RNF19B: variants seen among roughly 807,000 people sequenced by gnomAD.
RNF19B encodes ring finger protein 19B.
A neutral mutation model predicts 65.5 loss-of-function variants in RNF19B; 23 were observed. That is an observed-to-expected ratio of 0.35 (90% CI 0.25 to 0.50). The LOEUF (loss-of-function observed/expected upper bound fraction) is 0.50. Among genes scored for constraint, RNF19B ranks in the 20% least tolerant of loss-of-function variants. RNF19B has a pLI of 0.98. For synonymous variants in RNF19B, 372 were observed against 379.6 expected (o/e 0.98, Z 0.23); for missense variants, 794 against 980.0 (o/e 0.81, Z 2.53).
In RNF19B at chr1:32,956,118, C is replaced by T. The variant is rs192194056; in HGVS notation, c.636-6344G>A. On this transcript the variant is annotated intron_variant, in intron 1 of 8. Transcript: ENST00000235150. Reference sequence around the variant, plus strand: ...TGGTGGCTCATGCCTGTAATCCCAGCACTTTGGGAGGCTGAGGTGGGTGGA... The same window carrying T: ...TGGTGGCTCATGCCTGTAATCCCAGTACTTTGGGAGGCTGAGGTGGGTGGA... 3.1e-3 allele frequency among the ~76,000 whole-genome samples: 466 copies of T among 152,294 alleles called. 2 individuals are homozygous for T. Among genetic ancestry groups the T allele is most frequent in the African/African-American group, 0.011 (442 of 41,568 alleles).
At chr1:32,943,963 T>A in intron 6 of RNF19B, 56 bp downstream of exon 6, 1 of 1,539,854 alleles carries the variant, frequency 6.5e-7, no homozygotes, top group Non-Finnish European at 8.8e-7. Flanking sequence ...TGAATTTTAC[T>A]GATTTTTATC....
intron 1 of RNF19B, among the ~76,000 whole-genome samples, chr1:32,958,669 T>G (rs1393228918): frequency 6.6e-6 from 1 of 151,082 alleles, no homozygotes; most frequent in South Asian, 2.1e-4. Flanking sequence ...TGAGCCGAGA[T>G]TGCACCACTG....
chr1:32,960,418 C>T (rs896322241), intron 1 of RNF19B, among the ~76,000 whole-genome samples: 2 of 152,084 alleles, frequency 1.3e-5, no homozygotes, highest in African/African-American at 4.8e-5. Flanking sequence ...GACTTCTCTT[C>T]TAGTGTTTAT....
rs367914406 is a variant in RNF19B, at chr1:32,960,037, C to T, written c.635+4014G>A. Reference sequence around the variant, plus strand: ...CTGCACTCCAGCCTGGGTGACAGAGCGAGACTCCGTCTCAAAAAAAAAAAA... The same window carrying T: ...CTGCACTCCAGCCTGGGTGACAGAGTGAGACTCCGTCTCAAAAAAAAAAAA... On this transcript the variant is annotated intron_variant, in intron 1 of 8. Transcript: ENST00000235150. Among the ~76,000 whole-genome samples, 634 of 150,898 alleles carry T rather than the reference C, an allele frequency of 4.2e-3. 3 individuals are homozygous for T. The highest frequency in any genetic ancestry group is 6.6e-3 in the Non-Finnish European group (447 of 67,710).
downstream of RNF19B, among the ~76,000 whole-genome samples, chr1:32,935,033 T>A (rs1054663902): frequency 6.6e-6 from 1 of 151,792 alleles, no homozygotes; most frequent in African/African-American, 2.4e-5. Context: ...GGTTTCACCA[T>A]GTTGGCCAGG....
chr1:32,932,672 C>T (rs1191998541), downstream of RNF19B, among the ~76,000 whole-genome samples: 2 of 152,176 alleles, frequency 1.3e-5, no homozygotes, highest in Non-Finnish European at 2.9e-5. Context: ...AAGCTGGCCG[C>T]AAGCACTGCA....
At chr1:32,948,070 G>A in intron 3 of RNF19B, 152 bp downstream of exon 3, 1 of 695,090 alleles carries the variant, frequency 1.4e-6, no homozygotes, top group Non-Finnish European at 2.3e-6. Flanking sequence ...ATAGTAGCTG[G>A]TGAAAACATG....
At chr1:32,933,596 C>G (rs1282106353), downstream of RNF19B, among the ~76,000 whole-genome samples, 1 of 152,136 alleles carries the variant, frequency 6.6e-6, no homozygotes, top group East Asian at 1.9e-4. Flanking sequence ...GTGTTCGCCT[C>G]TAGGTGGTGA....
At chr1:32,951,802 CT>C (rs34519392) in intron 1 of RNF19B, among the ~76,000 whole-genome samples, 235 of 144,818 alleles carry the variant, frequency 1.6e-3, no homozygotes, top group Non-Finnish European at 1.5e-3. Context: ...GACACATATT[CT>C]TTTTTTTTTT....
rs186291111 is a variant in RNF19B, at chr1:32,944,367, T to C, written c.1262-208A>G. ...TAGATTCTTGGCTCCATTTACTAGC[T>C]GTATAACCTTGGACCTATCTTCCCA... On this transcript the variant is annotated intron_variant, in intron 5 of 8. Coordinates refer to ENST00000235150, the MANE Select transcript of RNF19B (RefSeq NM_001300826.2). 1.2e-4 allele frequency among the ~76,000 whole-genome samples: 18 copies of C among 152,346 alleles called. No homozygotes were observed. In the East Asian group the frequency reaches 3.5e-3, roughly 29 times the overall value.
chr1:32,957,185 T>C (rs1172777155), intron 1 of RNF19B, among the ~76,000 whole-genome samples: 1 of 152,162 alleles, frequency 6.6e-6, no homozygotes, highest in East Asian at 1.9e-4. Flanking sequence ...CTCTAGTCAT[T>C]TCCCAGGTAT....
chr1:32,931,350 G>C, the RNF19B span, among the ~76,000 whole-genome samples: 4 of 152,110 alleles, frequency 2.6e-5, no homozygotes, highest in Non-Finnish European at 4.4e-5. Flanking sequence ...ACTCTAGTTA[G>C]AGCTGGTAGC....
At position 32,964,711 on chromosome 1, in the gene RNF19B, G is replaced by A. The variant is rs1472242593; in HGVS notation, c.-26C>T. 5 of 1,412,836 alleles carry A rather than the reference G, an allele frequency of 3.5e-6. No individual in the cohort carries two copies. The highest frequency in any genetic ancestry group is 1.5e-5 in the African/African-American group (1 of 65,808). The allele number at this position is 1,412,836 out of a possible 1,614,324, so 87.5% of individuals were successfully genotyped here. On this transcript the variant is annotated 5_prime_UTR_variant, in exon 1 of 9. Coordinates refer to ENST00000235150, the MANE Select transcript of RNF19B (RefSeq NM_001300826.2). This position sits in a 1 kb window ranked among gnomAD's most constrained non-coding sequence, Gnocchi z 6.5. ...GGCCGGCAGAGGCCGAGGAGCCAGG[G>A]GCGCCCAGCGCCGCCACAGCTCCCG...
chr1:32,964,113 G>T lies in RNF19B; in HGVS notation c.573C>A (p.Phe191Leu), dbSNP rs1402443054. 1 of 1,537,450 alleles carries T rather than the reference G, an allele frequency of 6.5e-7. No homozygotes were observed. The highest frequency in any genetic ancestry group is 8.8e-7 in the Non-Finnish European group (1 of 1,141,764). The change falls in exon 1 of 9, where the codon TTC (phenylalanine) becomes TTA (leucine). Residue 191 changes from phenylalanine to leucine, a missense_variant. Phe to Leu is a conservative substitution (Grantham distance 22). Coordinates refer to ENST00000235150, the MANE Select transcript of RNF19B (RefSeq NM_001300826.2). This position sits in a 1 kb window ranked among gnomAD's most constrained non-coding sequence, Gnocchi z 6.5. ...DPPLMHKYEE[F>L]MLRRYLASDP... The stretch of plus-strand genomic sequence containing the variant: ...CCGAGGCTAGGTAGCGGCGCAGCAT[G>T]AACTCCTCGTACTTGTGCATAAGCG...
chr1:32,933,946 C>T (rs1642059493), downstream of RNF19B, among the ~76,000 whole-genome samples: 2 of 152,186 alleles, frequency 1.3e-5, no homozygotes, highest in African/African-American at 4.8e-5. Context: ...GCCCCTCCAA[C>T]AGACTTCTTT....
rs780129968 is a variant in RNF19B at position 32,949,575 on chromosome 1, C to G, written c.835G>C (p.Gly279Arg). The part of the protein sequence containing the change: ...TSGLSYGQES[G>R]PDDIKPCPRC... Reference sequence around the variant, plus strand: ...AGATAATGCCAACTTATACCTGGTCCAGATTCTTGCCCATAACTGAGACCT... The same window carrying G: ...AGATAATGCCAACTTATACCTGGTCGAGATTCTTGCCCATAACTGAGACCT... The change falls in exon 2 of 9, where the codon GGA (glycine) becomes CGA (arginine). Residue 279 changes from glycine to arginine, a missense_variant. Around this residue, in one of 3 missense-constraint regions of RNF19B, gnomAD observed 374 missense variants for 423.8 expected, o/e 0.88. Coordinates refer to ENST00000235150, the MANE Select transcript of RNF19B (RefSeq NM_001300826.2). 6.2e-7 allele frequency: 1 copy of G among 1,613,972 alleles called. No homozygotes were observed. The highest frequency in any genetic ancestry group is 8.5e-7 in the Non-Finnish European group (1 of 1,179,946).
intron 1 of RNF19B, among the ~76,000 whole-genome samples, chr1:32,951,305 A>G (rs1570106167): frequency 3.9e-5 from 6 of 152,378 alleles, no homozygotes; most frequent in African/African-American, 1.4e-4. Flanking sequence ...CAGGCATAGC[A>G]GTTGCACTTC....
chr1:32,951,299 C>A (rs889919762), intron 1 of RNF19B, among the ~76,000 whole-genome samples: 1 of 152,252 alleles, frequency 6.6e-6, no homozygotes, highest in African/African-American at 2.4e-5. Flanking sequence ...CCACGTCAGG[C>A]ATAGCAGTTG....
chr1:32,951,597 C>T (rs1372271290), intron 1 of RNF19B, among the ~76,000 whole-genome samples: 2 of 152,200 alleles, frequency 1.3e-5, no homozygotes, highest in Admixed American at 6.5e-5. Flanking sequence ...GCTGGTCTGA[C>T]CATAGTCACA....
Sources: gnomAD v4.1 joint callset for allele counts (sites outside exome capture counted in the v4.1 genomes callset) on GRCh38, gnomAD v4.1.1 for gene constraint, gnomAD v4.1.1 regional missense constraint, Gnocchi (gnomAD v3.1) non-coding constraint, MANE v1.5 for transcripts, NCBI Gene and HGNC (gene_info 2026-07-23, HGNC 2026-07-21) for gene names.